The following EPHA5 variants were observed in gnomAD, a reference collection of about 807,000 sequenced individuals.
The protein encoded by EPHA5 is ephrin type-A receptor 5.
EPHA5 carries 60 observed loss-of-function variants against 105.0 expected under a neutral mutation model. That is an observed-to-expected ratio of 0.57 (90% CI 0.46 to 0.71). EPHA5 has a LOEUF of 0.71. EPHA5 is among the 30% of genes least tolerant of loss of function. The pLI, the probability that EPHA5 is intolerant of heterozygous loss-of-function variation, is 0.00. For synonymous variants in EPHA5, 513 were observed against 449.1 expected, an observed-to-expected ratio of 1.14 and a Z score of -1.80; for missense variants, 1,218 against 1,274.7, an observed-to-expected ratio of 0.96 and a Z score of 0.68.
At chr4:65,444,162 A>G (rs1433685325) in intron 5 of EPHA5, among the ~76,000 whole-genome samples, 1 of 152,162 alleles carries the variant, frequency 6.6e-6, no homozygotes, top group Non-Finnish European at 1.5e-5. Flanking sequence ...TAATAGTGCA[A>G]ATGTGAACTT....
At chr4:65,653,517 T>A (rs1748792396) in intron 1 of EPHA5, among the ~76,000 whole-genome samples, 1 of 152,104 alleles carries the variant, frequency 6.6e-6, no homozygotes, top group Admixed American at 6.6e-5. Flanking sequence ...CAGAACTAAT[T>A]ATCCATCTCA....
intron 1 of EPHA5, among the ~76,000 whole-genome samples, chr4:65,650,789 G>GA (rs1414334759): frequency 6.6e-6 from 1 of 152,056 alleles, no homozygotes; most frequent in African/African-American, 2.4e-5. Flanking sequence ...TCTCTCTGCA[G>GA]AAAAAGATAT....
rs530976063 is a variant in EPHA5 at position 65,564,300 on chromosome 4, A to G, written c.910+37341T>C. 7.2e-5 allele frequency among the ~76,000 whole-genome samples: 11 copies of G among 152,026 alleles called. No homozygotes were observed. In the South Asian group the frequency reaches 2.3e-3, roughly 31 times the overall value. On this transcript the variant is annotated intron_variant, in intron 3 of 16. Transcript: ENST00000613740. ...ATGCTTTGACTAAAATACTACAACC[A>G]TATCAACAAATATTTCTAAATGATA...
intron 3 of EPHA5, among the ~76,000 whole-genome samples, chr4:65,540,511 G>T (rs1736712626): frequency 6.6e-6 from 1 of 151,080 alleles, no homozygotes; most frequent in South Asian, 2.1e-4. Flanking sequence ...TATAGTAAAT[G>T]CCCCAAAAAA....
Position 65,591,088 on chromosome 4 carries a change from A to G in EPHA5, c.910+10553T>C, listed in dbSNP as rs991789312. ...CTGACCTTCATGAAATTTTCAACTC[A>G]TGTTAAATTTTTATTAAGGTGATGA... On this transcript the variant is annotated intron_variant, in intron 3 of 16. Transcript: ENST00000613740. 8.5e-5 allele frequency among the ~76,000 whole-genome samples: 13 copies of G among 152,202 alleles called. 1 individual carries two copies. Among genetic ancestry groups the G allele is most frequent in the African/African-American group, 2.9e-4 (12 of 41,572 alleles).
At chr4:65,412,065 T>C (rs1355570341) in intron 7 of EPHA5, among the ~76,000 whole-genome samples, 2 of 152,046 alleles carry the variant, frequency 1.3e-5, no homozygotes, top group Non-Finnish European at 2.9e-5. Context: ...CTCATCTCTA[T>C]TAAAAATGCA....
intron 1 of EPHA5, among the ~76,000 whole-genome samples, chr4:65,646,712 G>T (rs1361213495): frequency 6.6e-6 from 1 of 152,044 alleles, no homozygotes; most frequent in Non-Finnish European, 1.5e-5. Context: ...ACCAGATAAA[G>T]AATTGTGAAA....
rs11462702 is a variant in EPHA5 at position 65,457,068 on chromosome 4, GA to G, written c.1402+33308del. ...CTGACCTCCTTATACTTAAAAGCAG[GA>G]AAAAAAAATAGACTTTTAATAAGCT... On this transcript the variant is annotated intron_variant, in intron 5 of 16. Coordinates refer to ENST00000613740, the MANE Select transcript of EPHA5 (RefSeq NM_001281766.3). 4.3e-3 allele frequency among the ~76,000 whole-genome samples: 656 copies of G among 150,848 alleles called. 3 individuals are homozygous for G. Among genetic ancestry groups the G allele is most frequent in the African/African-American group, 0.015 (606 of 41,034 alleles).
chr4:65,371,992 CA>C (rs1718522224), intron 8 of EPHA5, among the ~76,000 whole-genome samples: 1 of 151,670 alleles, frequency 6.6e-6, no homozygotes, highest in Admixed American at 6.6e-5. Flanking sequence ...CAAAAATATT[CA>C]AAAAGCAACA....
At chr4:65,355,764 C>T (rs1161848356) in intron 11 of EPHA5, among the ~76,000 whole-genome samples, 2 of 151,502 alleles carry the variant, frequency 1.3e-5, no homozygotes, top group Non-Finnish European at 3.0e-5. Flanking sequence ...GAAACTGTTA[C>T]TCACATAAAG....
intron 5 of EPHA5, among the ~76,000 whole-genome samples, chr4:65,459,726 A>C (rs979020615): frequency 1.3e-5 from 2 of 151,848 alleles, no homozygotes; most frequent in African/African-American, 4.8e-5. Flanking sequence ...ATGAAACCTA[A>C]ATTTTTATAT....
At chr4:65,349,308 A>G (rs1484328659) in intron 13 of EPHA5, among the ~76,000 whole-genome samples, 2 of 148,956 alleles carry the variant, frequency 1.3e-5, no homozygotes, top group African/African-American at 4.9e-5. Context: ...ATCTTACTAC[A>G]TTATCAAGTT....
intron 8 of EPHA5, among the ~76,000 whole-genome samples, chr4:65,367,694 A>G (rs1291089718): frequency 6.6e-6 from 1 of 152,066 alleles, no homozygotes; most frequent in Non-Finnish European, 1.5e-5. Flanking sequence ...AATACTGTAT[A>G]CCAGACATTG....
At chr4:65,422,059 T>A (rs1037136989) in intron 5 of EPHA5, among the ~76,000 whole-genome samples, 3 of 152,154 alleles carry the variant, frequency 2.0e-5, no homozygotes, top group African/African-American at 7.2e-5. Context: ...TTACTTGCAT[T>A]AATCAAAGTT....
chr4:65,465,523 G>GAAAGA (rs767930431), intron 5 of EPHA5, among the ~76,000 whole-genome samples: 4 of 86,516 alleles, frequency 4.6e-5, no homozygotes, highest in African/African-American at 1.8e-4. Flanking sequence ...AAGAAAGAAA[G>GAAAGA]AAAGAAAAGA....
At chr4:65,328,687 A>G (rs941344962) in intron 16 of EPHA5, among the ~76,000 whole-genome samples, 15 of 151,084 alleles carry the variant, frequency 9.9e-5, no homozygotes, top group African/African-American at 3.1e-4. Context: ...CTAACAATCA[A>G]TGATATAGAC....
chr4:65,410,603 G>T (rs1183676463), intron 7 of EPHA5, among the ~76,000 whole-genome samples: 1 of 152,088 alleles, frequency 6.6e-6, no homozygotes, highest in East Asian at 1.9e-4. Flanking sequence ...CAAGAAAACA[G>T]GATTAAGATC....
At chr4:65,527,107 A>T (rs987310731) in intron 3 of EPHA5, among the ~76,000 whole-genome samples, 3 of 152,030 alleles carry the variant, frequency 2.0e-5, no homozygotes, top group Non-Finnish European at 4.4e-5. Flanking sequence ...GGACAAACAC[A>T]CTTTGGGAAG....
At position 65,557,233 on chromosome 4, in the gene EPHA5, GATATATAT is replaced by G. The variant is rs61008833; in HGVS notation, c.910+44400_910+44407del. Among the ~76,000 whole-genome samples the G allele has an allele frequency of 1.5e-4, 14 of 90,924 alleles. 1 individual carries two copies. The highest frequency in any genetic ancestry group is 1.3e-3 in the South Asian group (3 of 2,320). 59.6% of individuals were successfully genotyped at this position (90,924 alleles called of 152,430 possible). Reference sequence around the variant, plus strand: ...GTATTTTGAACATCATTTATACTGGGATATATATATATATATATATATATATTCTCACA... The same window carrying G: ...GTATTTTGAACATCATTTATACTGGGATATATATATATATATATTCTCACA... On this transcript the variant is annotated intron_variant, in intron 3 of 16. Transcript: ENST00000613740.
Sources: gnomAD v4.1 joint callset for allele counts (sites outside exome capture counted in the v4.1 genomes callset) on GRCh38, gnomAD v4.1.1 for gene constraint, MANE v1.5 for transcripts, NCBI Gene and HGNC (gene_info 2026-07-23, HGNC 2026-07-21) for gene names.